The following SPARCL1 variants were observed in gnomAD, a reference collection of about 807,000 sequenced individuals.
SPARCL1 encodes the protein SPARC like 1.
In SPARCL1, 52 loss-of-function variants were observed where a neutral mutation model predicts 67.1. The observed-to-expected ratio is 0.78, with a 90% CI of 0.62 to 0.98. The LOEUF is 0.98. Ranked by LOEUF, SPARCL1 falls within the 50% of genes least tolerant of loss-of-function variation. The probability of loss-of-function intolerance (pLI) is 0.00; values close to 1 mark genes in which losing one functional copy is unlikely to be tolerated. For missense variants in SPARCL1, 717 were observed against 782.4 expected, an observed-to-expected ratio of 0.92 and a Z score of 1.00; for synonymous variants, 226 against 267.8, an observed-to-expected ratio of 0.84 and a Z score of 1.52.
In SPARCL1 at chr4:87,524,951, C is replaced by T. The variant is rs560451077; in HGVS notation, c.-12+4094G>A. Among the ~76,000 whole-genome samples, 3 of 152,084 alleles carry T rather than the reference C, an allele frequency of 2.0e-5. No homozygotes were observed. In the South Asian group the frequency reaches 6.2e-4, roughly 32 times the overall value. On this transcript the variant is annotated intron_variant, in intron 1 of 10. Transcript: ENST00000282470. ...CCTGAGGCAAGCAGATCACTTGAGG[C>T]CTGGAGTTTGAGACCAGCCTGGCCA...
chr4:87,522,832 A>G (rs1279403506), intron 1 of SPARCL1, among the ~76,000 whole-genome samples: 1 of 152,152 alleles, frequency 6.6e-6, no homozygotes, highest in East Asian at 1.9e-4. Flanking sequence ...TATATATGGC[A>G]TGTGTTCAAA....
At chr4:87,475,037 T>C (rs6851873) in intron 10 of SPARCL1, among the ~76,000 whole-genome samples, 62,865 of 152,088 alleles carry the variant, frequency 0.41, 14,081 homozygotes, top group African/African-American at 0.58. Context: ...CCACCGCGCC[T>C]GGCCTGTAAA....
Position 87,494,487 on chromosome 4 carries a change from C to T in SPARCL1, c.313G>A (p.Gly105Ser), listed in dbSNP as rs1578102576. ...TACTCCAAATTCACACTTAAGTGAC[C>T]ATCACTGTCCTCTTGATCCTTCAAT... ...LGLKDQEDSD[G>S]HLSVNLEYAP... Residue 105 changes from glycine to serine, a missense_variant, in exon 4 of 11, where the codon GGT (glycine) becomes AGT (serine). Gly to Ser is a moderately conservative substitution (Grantham distance 56). Transcript: ENST00000282470. 2.5e-6 allele frequency: 4 copies of T among 1,614,074 alleles called. No homozygotes were observed. Among genetic ancestry groups the T allele is most frequent in the Non-Finnish European group, 3.4e-6 (4 of 1,180,004 alleles).
At position 87,495,033 on chromosome 4, in the gene SPARCL1, T is replaced by C. The variant is rs57367731; in HGVS notation, c.149A>G (p.Glu50Gly). 1.0e-3 allele frequency: 1,666 copies of C among 1,613,182 alleles called. 18 individuals carry two copies. In the African/African-American group the frequency reaches 0.02, roughly 19 times the overall value. The change falls in exon 3 of 11, where the codon GAA becomes GGA. Residue 50 changes from glutamate to glycine, a missense_variant. By Grantham distance (98) the Glu-to-Gly change is moderately conservative. Transcript: ENST00000282470. Reference protein sequence around the residue: ...TAIPSLRAEAEENEKETAVST... With the variant: ...TAIPSLRAEAGENEKETAVST... ...TACTGCTGTTTCTTTTTCATTTTCT[T>C]CAGCTTCAGCCCTTAAACTGGGGAT...
intron 4 of SPARCL1, among the ~76,000 whole-genome samples, chr4:87,492,596 G>A (rs1417764101): frequency 6.6e-6 from 1 of 152,212 alleles, no homozygotes; most frequent in East Asian, 1.9e-4. Context: ...CACTAGAAAT[G>A]TAGTATTATC....
chr4:87,493,559 A>T, intron 4 of SPARCL1, 23 bp downstream of exon 4: 1 of 1,577,076 alleles, frequency 6.3e-7, no homozygotes, highest in Non-Finnish European at 8.6e-7. Context: ...TTATTGGACA[A>T]GGACCATTTA....
At chr4:87,523,229 C>T (rs984817753) in intron 1 of SPARCL1, among the ~76,000 whole-genome samples, 1 of 148,294 alleles carries the variant, frequency 6.7e-6, no homozygotes, top group Non-Finnish European at 1.5e-5. Context: ...CCACTGCACT[C>T]CAGCCTGGGT....
chr4:87,509,884 A>G (rs979139857), intron 1 of SPARCL1, among the ~76,000 whole-genome samples: 7 of 152,334 alleles, frequency 4.6e-5, no homozygotes, highest in African/African-American at 1.7e-4. Flanking sequence ...AGGACAGACC[A>G]GTAGCATGAC....
chr4:87,479,674 G>C, intron 9 of SPARCL1, 96 bp from the exon 10 acceptor site: 4 of 1,175,646 alleles, frequency 3.4e-6, no homozygotes, highest in Non-Finnish European at 4.9e-6. Flanking sequence ...CCATAAGGTT[G>C]CTGTATATGT....
rs752135318 is a variant in SPARCL1 at position 87,504,135 on chromosome 4, T to TTTTG, written c.-11-4551_-11-4550insCAAA. On this transcript the variant is annotated intron_variant, in intron 1 of 10. Transcript: ENST00000282470. ...GCTGCACATAGAAAGTGATTTGGTA[T>TTTTG]TGTGTGTGTGTGTGTGTGTGTGTGT... 1.9e-3 allele frequency among the ~76,000 whole-genome samples: 58 copies of TTTTG among 30,934 alleles called. 1 individual carries two copies. In the East Asian group the frequency reaches 0.032, roughly 17 times the overall value. The allele number at this position is 30,934 out of a possible 152,430, so 20.3% of individuals were successfully genotyped here.
rs1296159821 is a variant in SPARCL1 at position 87,473,636 on chromosome 4, A to G, written c.*139T>C. On this transcript the variant is annotated 3_prime_UTR_variant, in exon 11 of 11. Transcript: ENST00000282470. ...AATACCTGGTGCATAGGTTGTTGTCAAGCAATTACTCTCATTGTCTTGTCA... is the reference window on the plus strand; with the variant it reads ...AATACCTGGTGCATAGGTTGTTGTCGAGCAATTACTCTCATTGTCTTGTCA... 1.7e-6 allele frequency: 1 copy of G among 584,544 alleles called. No homozygotes were observed. The highest frequency in any genetic ancestry group is 3.0e-6 in the Non-Finnish European group (1 of 331,744). 36.2% of individuals were successfully genotyped at this position (584,544 alleles called of 1,614,324 possible).
intron 1 of SPARCL1, among the ~76,000 whole-genome samples, chr4:87,522,533 A>G (rs17012782): frequency 0.24 from 35,602 of 151,404 alleles, 4,367 homozygotes; most frequent in South Asian, 0.36. Flanking sequence ...GCTGCCTCTC[A>G]GTGCCTCAAA....
chr4:87,519,296 T>C (rs1725710193), intron 1 of SPARCL1, among the ~76,000 whole-genome samples: 1 of 152,200 alleles, frequency 6.6e-6, no homozygotes, highest in Non-Finnish European at 1.5e-5. Context: ...GGTCTTGAAC[T>C]CCTGACCTCA....
In SPARCL1 at chr4:87,490,413, GA is replaced by G; in HGVS notation, c.1411-21del. 6.3e-7 allele frequency: 1 copy of G among 1,592,576 alleles called. No individual in the cohort carries two copies. Among genetic ancestry groups the G allele is most frequent in the Non-Finnish European group, 8.5e-7 (1 of 1,173,114 alleles). Reference sequence around the variant, plus strand: ...ACAAACCTATGGAAGATAAGTAGAAGAAAAAGCTGATAGAGCCAAATGCTCA... The same window carrying G: ...ACAAACCTATGGAAGATAAGTAGAAGAAAAGCTGATAGAGCCAAATGCTCA... On this transcript the variant is annotated intron_variant, in intron 6 of 10. Coordinates refer to ENST00000282470, the MANE Select transcript of SPARCL1 (RefSeq NM_004684.6).
At chr4:87,488,371 G>A (rs899709368) in intron 7 of SPARCL1, among the ~76,000 whole-genome samples, 7 of 152,158 alleles carry the variant, frequency 4.6e-5, no homozygotes, top group African/African-American at 1.7e-4. Flanking sequence ...GTCTGCTGGA[G>A]TTCACTCAAG....
chr4:87,528,543 A>G (rs1169659202), intron 1 of SPARCL1: 1 of 152,188 alleles, frequency 6.6e-6, no homozygotes, highest in Non-Finnish European at 1.5e-5. Flanking sequence ...ATAAAAGGAG[A>G]AATTTTCCTA....
intron 10 of SPARCL1, among the ~76,000 whole-genome samples, chr4:87,475,021 C>T (rs1173165446): frequency 6.6e-6 from 1 of 152,180 alleles, no homozygotes; most frequent in Non-Finnish European, 1.5e-5. Context: ...GGATTACAGG[C>T]GTGAGCCACC....
intron 1 of SPARCL1, among the ~76,000 whole-genome samples, chr4:87,524,944 C>T (rs753915669): frequency 7.2e-5 from 11 of 152,084 alleles, no homozygotes; most frequent in Non-Finnish European, 1.3e-4. Flanking sequence ...AAGCAGATCA[C>T]TTGAGGCCTG....
At chr4:87,494,836 A>G (rs1053848469) in intron 3 of SPARCL1, 145 bp downstream of exon 3, 11 of 776,744 alleles carry the variant, frequency 1.4e-5, no homozygotes, top group African/African-American at 1.2e-4. Context: ...TCATTCTTCT[A>G]GTGATTGGAG....
Sources: gnomAD v4.1 joint callset for allele counts (sites outside exome capture counted in the v4.1 genomes callset) on GRCh38, gnomAD v4.1.1 for gene constraint, MANE v1.5 for transcripts, NCBI Gene and HGNC (gene_info 2026-07-23, HGNC 2026-07-21) for gene names.